Variants in EVA1C observed in about 807,000 individuals in gnomAD.
The protein encoded by EVA1C is protein eva-1 homolog C.
EVA1C carries 25 observed loss-of-function variants against 45.4 expected under a neutral mutation model. The ratio of observed to expected loss-of-function variants is 0.55; its 90% CI spans 0.40 to 0.77. The LOEUF (loss-of-function observed/expected upper bound fraction) is 0.77. Among genes scored for constraint, EVA1C ranks in the 30% least tolerant of loss-of-function variants. EVA1C has a pLI of 0.00. For missense variants in EVA1C, 479 were observed against 554.8 expected, an observed-to-expected ratio of 0.86 and a Z score of 1.37; for synonymous variants, 190 against 221.2, an observed-to-expected ratio of 0.86 and a Z score of 1.25.
intron 4 of EVA1C, among the ~76,000 whole-genome samples, chr21:32,480,302 TA>T (rs56902183): frequency 2.7e-3 from 282 of 105,028 alleles, no homozygotes; most frequent in Non-Finnish European, 2.5e-3. Context: ...CCCTGTCTCT[TA>T]AAAAAAAAAA....
intron 4 of EVA1C, among the ~76,000 whole-genome samples, chr21:32,493,013 A>G (rs923806553): frequency 6.6e-6 from 1 of 152,258 alleles, no homozygotes; most frequent in South Asian, 2.1e-4. Flanking sequence ...CAAACAGCCT[A>G]TCTCATAAAT....
At chr21:32,429,756 A>G (rs1307631389) in intron 1 of EVA1C, among the ~76,000 whole-genome samples, 2 of 152,240 alleles carry the variant, frequency 1.3e-5, no homozygotes, top group Non-Finnish European at 2.9e-5. Flanking sequence ...TGTAATCCAC[A>G]TGTGTAATAT....
intron 1 of EVA1C, among the ~76,000 whole-genome samples, chr21:32,416,326 T>TG (rs11399321): frequency 3.8e-5 from 5 of 131,440 alleles, no homozygotes; most frequent in South Asian, 2.4e-4. Context: ...TTTTTCTTTT[T>TG]TTTTTTTTTT....
chr21:32,504,446 T>C (rs890019335), intron 7 of EVA1C, among the ~76,000 whole-genome samples: 1 of 152,198 alleles, frequency 6.6e-6, no homozygotes, highest in African/African-American at 2.4e-5. Flanking sequence ...ATGAGTGTTA[T>C]TCCTAATAGT....
intron 1 of EVA1C, among the ~76,000 whole-genome samples, chr21:32,437,398 C>A (rs2035001197): frequency 6.6e-6 from 1 of 152,132 alleles, no homozygotes. Flanking sequence ...TGCCTGTACC[C>A]TGATTTCTTC....
At chr21:32,464,715 A>C (rs1041656956) in intron 3 of EVA1C, among the ~76,000 whole-genome samples, 7 of 152,068 alleles carry the variant, frequency 4.6e-5, no homozygotes, top group Non-Finnish European at 8.8e-5. Context: ...CCAGCTCCTC[A>C]GGAGGCTGAG....
chr21:32,468,609 T>G (rs1488418122), intron 4 of EVA1C, among the ~76,000 whole-genome samples: 2 of 151,958 alleles, frequency 1.3e-5, no homozygotes, highest in Admixed American at 1.3e-4. Flanking sequence ...GCCTCAAAAC[T>G]GAAGAACTTG....
At chr21:32,450,814 G>A (rs1411742641) in intron 1 of EVA1C, among the ~76,000 whole-genome samples, 2 of 152,158 alleles carry the variant, frequency 1.3e-5, no homozygotes, top group Non-Finnish European at 2.9e-5. Context: ...TGCCTGGGGG[G>A]TACACTGTGC....
chr21:32,510,043 CTT>C (rs58017017), intron 7 of EVA1C, among the ~76,000 whole-genome samples: 107 of 114,504 alleles, frequency 9.3e-4, no homozygotes, highest in African/African-American at 3.0e-3. Context: ...TCCGACATTC[CTT>C]TTTTTTTTTT....
At chr21:32,489,121 C>T (rs1193960788) in intron 4 of EVA1C, among the ~76,000 whole-genome samples, 1 of 152,188 alleles carries the variant, frequency 6.6e-6, no homozygotes, top group East Asian at 1.9e-4. Context: ...TGTGGTCCCA[C>T]GTGTTTATTT....
chr21:32,420,384 A>C (rs752600775), intron 1 of EVA1C, among the ~76,000 whole-genome samples: 1 of 152,144 alleles, frequency 6.6e-6, no homozygotes, highest in Non-Finnish European at 1.5e-5. Flanking sequence ...AAAAAGAAAA[A>C]AAATTATCTT....
chr21:32,508,419 A>C (rs1198725806), intron 7 of EVA1C, among the ~76,000 whole-genome samples: 2 of 152,204 alleles, frequency 1.3e-5, no homozygotes, highest in Non-Finnish European at 2.9e-5. Context: ...TTTGGGAGGC[A>C]TAATTGTTTC....
rs556842483 is a variant in EVA1C, at chr21:32,473,512, T to C, written c.634+5664T>C. 2.6e-5 allele frequency among the ~76,000 whole-genome samples: 4 copies of C among 152,278 alleles called. No individual in the cohort carries two copies. In the South Asian group the frequency reaches 8.3e-4, roughly 32 times the overall value. On this transcript the variant is annotated intron_variant, in intron 4 of 7. Coordinates refer to ENST00000300255, the MANE Select transcript of EVA1C (RefSeq NM_058187.5). ...CCGTCTCCTACCCGCTATCCGTCCC[T>C]CCCTTCAGTCCCATGGGCAGAGCAT...
chr21:32,413,419 G>A (rs1022975892), intron 1 of EVA1C, among the ~76,000 whole-genome samples: 7 of 152,242 alleles, frequency 4.6e-5, no homozygotes, highest in Admixed American at 2.6e-4. Flanking sequence ...GTTTGCCCAT[G>A]TAAGGAGACT....
intron 4 of EVA1C, among the ~76,000 whole-genome samples, chr21:32,489,877 C>T (rs2037097271): frequency 6.6e-6 from 1 of 152,194 alleles, no homozygotes; most frequent in Non-Finnish European, 1.5e-5. Flanking sequence ...TCTCGGCTCA[C>T]CGCAACCTCT....
At chr21:32,495,218 G>A (rs2276222) in intron 5 of EVA1C, 48 bp downstream of exon 5, 2 of 1,598,250 alleles carry the variant, frequency 1.3e-6, no homozygotes, top group Non-Finnish European at 1.7e-6. Flanking sequence ...GCCTCTTTTG[G>A]GGGAGGGTGG....
intron 4 of EVA1C, among the ~76,000 whole-genome samples, chr21:32,470,217 A>G (rs2036319309): frequency 6.6e-6 from 1 of 152,202 alleles, no homozygotes; most frequent in African/African-American, 2.4e-5. Flanking sequence ...AAAAAAGAAA[A>G]TGAACAAAAA....
intron 1 of EVA1C, among the ~76,000 whole-genome samples, chr21:32,416,761 C>T (rs1285322622): frequency 6.6e-6 from 1 of 152,154 alleles, no homozygotes; most frequent in Non-Finnish European, 1.5e-5. Flanking sequence ...ACTTGAATTC[C>T]TCAAGAACTC....
chr21:32,422,598 A>G (rs2034323606), intron 1 of EVA1C, among the ~76,000 whole-genome samples: 1 of 152,232 alleles, frequency 6.6e-6, no homozygotes, highest in East Asian at 1.9e-4. Context: ...AGGAAATGTT[A>G]TCTATAAAGT....
Sources: allele counts gnomAD v4.1 joint callset (sites outside exome capture counted in the v4.1 genomes callset), GRCh38; gene constraint gnomAD v4.1.1; transcripts MANE v1.5; gene names NCBI Gene and HGNC (gene_info 2026-07-23, HGNC 2026-07-21).